Variants in MSI2 observed in about 807,000 individuals in gnomAD.
MSI2 encodes the protein RNA-binding protein Musashi homolog 2.
Under a neutral mutation model 45.6 loss-of-function variants are expected in MSI2, and 17 were observed. The ratio of observed to expected loss-of-function variants is 0.37; its 90% CI spans 0.26 to 0.56. The LOEUF is 0.56. Ranked by LOEUF, MSI2 falls within the 20% of genes least tolerant of loss-of-function variation. The pLI, the probability that MSI2 is intolerant of heterozygous loss-of-function variation, is 0.77. For synonymous variants in MSI2, 156 were observed against 158.2 expected (o/e 0.99, Z 0.11); for missense variants, 293 against 444.2 (o/e 0.66, Z 3.06).
chr17:57,692,386 T>G, the MSI2 span, among the ~76,000 whole-genome samples: 3 of 152,210 alleles, frequency 2.0e-5, no homozygotes, highest in East Asian at 5.8e-4. Context: ...TTTAAAAAAG[T>G]TTATATAGAA....
At chr17:57,556,706 C>T (rs939669228) in intron 7 of MSI2, among the ~76,000 whole-genome samples, 2 of 152,156 alleles carry the variant, frequency 1.3e-5, no homozygotes, top group East Asian at 1.9e-4. Flanking sequence ...CAGAGGCTTG[C>T]GGCACTATGA....
intron 6 of MSI2, among the ~76,000 whole-genome samples, chr17:57,425,889 G>A: frequency 6.6e-6 from 1 of 152,208 alleles, no homozygotes. Context: ...ATAAGAGTGA[G>A]CTTGAGCTTT....
intron 8 of MSI2, among the ~76,000 whole-genome samples, chr17:57,607,745 G>A (rs1906779465): frequency 6.6e-6 from 1 of 152,224 alleles, no homozygotes; most frequent in African/African-American, 2.4e-5. Flanking sequence ...TACAGGCATG[G>A]TGCCAACATC....
chr17:57,686,023 G>A (rs868518694), downstream of MSI2, among the ~76,000 whole-genome samples: 1 of 152,204 alleles, frequency 6.6e-6, no homozygotes, highest in Non-Finnish European at 1.5e-5. Context: ...AGTCCCACCT[G>A]TGCCACGTGA....
chr17:57,440,140 G>T (rs1314420851), intron 6 of MSI2, among the ~76,000 whole-genome samples: 1 of 152,158 alleles, frequency 6.6e-6, no homozygotes, highest in African/African-American at 2.4e-5. Flanking sequence ...GCTTGAAAGG[G>T]TGGGGAGGCA....
intron 5 of MSI2, among the ~76,000 whole-genome samples, chr17:57,313,934 G>A (rs1912627660): frequency 6.6e-6 from 1 of 152,194 alleles, no homozygotes; most frequent in Non-Finnish European, 1.5e-5. Flanking sequence ...GAAAACTGAT[G>A]TATTTGTTTG....
chr17:57,527,556 C>G (rs1398951262), intron 6 of MSI2, among the ~76,000 whole-genome samples: 2 of 152,238 alleles, frequency 1.3e-5, no homozygotes, highest in African/African-American at 2.4e-5. Flanking sequence ...CTCCCATCAT[C>G]CTGGTGCCTG....
rs1185713226 is a variant in MSI2, at chr17:57,280,541, C to T, written c.312+18349C>T. On this transcript the variant is annotated intron_variant, in intron 5 of 13. Transcript: ENST00000284073. This position sits in a 1 kb window ranked among gnomAD's most constrained non-coding sequence, Gnocchi z 4.2. ...AAGGTGAGAGGCAAATTTGACTTCT[C>T]ATTGATGTGAGCAGAGCCCCCAACC... Among the ~76,000 whole-genome samples the T allele has an allele frequency of 6.6e-6, 1 of 151,998 alleles. No homozygotes were observed. Among genetic ancestry groups the T allele is most frequent in the Non-Finnish European group, 1.5e-5 (1 of 68,002 alleles).
At chr17:57,357,091 T>C (rs1247901250) in intron 5 of MSI2, among the ~76,000 whole-genome samples, 1 of 152,056 alleles carries the variant, frequency 6.6e-6, no homozygotes, top group Non-Finnish European at 1.5e-5. Context: ...GAGAGCTTGC[T>C]CTCTCCTTAA....
At chr17:57,270,087 G>A (rs566722202) in intron 5 of MSI2, among the ~76,000 whole-genome samples, 2 of 152,274 alleles carry the variant, frequency 1.3e-5, no homozygotes, top group East Asian at 1.9e-4. Context: ...TAGCCTTAGG[G>A]TGGATGCCTG....
intron 7 of MSI2, among the ~76,000 whole-genome samples, chr17:57,542,861 CA>C (rs2087081206): frequency 6.6e-6 from 1 of 152,210 alleles, no homozygotes; most frequent in South Asian, 2.1e-4. Context: ...AGGTCAGCTC[CA>C]TCCGTCGTCT....
chr17:57,503,573 T>C (rs1172011423), intron 6 of MSI2, among the ~76,000 whole-genome samples: 3 of 152,184 alleles, frequency 2.0e-5, no homozygotes, highest in Non-Finnish European at 4.4e-5. Flanking sequence ...AGCAAAAGAC[T>C]CCAGGTCTTT....
intron 6 of MSI2, among the ~76,000 whole-genome samples, chr17:57,431,829 TCTGCC>T (rs2084599782): frequency 2.0e-5 from 3 of 152,316 alleles, no homozygotes; most frequent in Middle Eastern, 3.4e-3. Flanking sequence ...CACTTCACTC[TCTGCC>T]CCCAGTGTCC....
At chr17:57,371,550 T>TAC (rs72265561) in intron 5 of MSI2, among the ~76,000 whole-genome samples, 69 of 143,388 alleles carry the variant, frequency 4.8e-4, no homozygotes, top group Middle Eastern at 3.6e-3. Context: ...GACACAGGTA[T>TAC]ACACACACAC....
chr17:57,396,169 C>T (rs2083885144), intron 5 of MSI2, among the ~76,000 whole-genome samples: 1 of 152,132 alleles, frequency 6.6e-6, no homozygotes, highest in Non-Finnish European at 1.5e-5. Flanking sequence ...TTCTCATACT[C>T]ATTTAAGGCT....
intron 5 of MSI2, among the ~76,000 whole-genome samples, chr17:57,353,423 G>A (rs1324833942): frequency 1.3e-5 from 2 of 152,206 alleles, no homozygotes; most frequent in Non-Finnish European, 2.9e-5. Context: ...TGTGTGCCCA[G>A]GAGGACACAA....
intron 6 of MSI2, among the ~76,000 whole-genome samples, chr17:57,459,986 G>A (rs145185256): frequency 0.035 from 5,275 of 151,940 alleles, 310 homozygotes; most frequent in African/African-American, 0.12. Flanking sequence ...AAAATTAGCT[G>A]GGCGTGATGA....
chr17:57,306,179 C>T (rs1474504178), intron 5 of MSI2, among the ~76,000 whole-genome samples: 2 of 151,920 alleles, frequency 1.3e-5, no homozygotes, highest in African/African-American at 4.8e-5. Context: ...CCCACTGGCT[C>T]CTCTGGCTGA....
At chr17:57,566,502 C>G (rs1430400246) in intron 7 of MSI2, among the ~76,000 whole-genome samples, 1 of 152,156 alleles carries the variant, frequency 6.6e-6, no homozygotes, top group African/African-American at 2.4e-5. Flanking sequence ...TTGGTGTTCT[C>G]AGGCATTGGG....
Sources: gnomAD v4.1 joint callset for allele counts (sites outside exome capture counted in the v4.1 genomes callset) on GRCh38, gnomAD v4.1.1 for gene constraint, Gnocchi (gnomAD v3.1) non-coding constraint, MANE v1.5 for transcripts, NCBI Gene and HGNC (gene_info 2026-07-23, HGNC 2026-07-21) for gene names.